Variants in VWDE observed in about 807,000 individuals in gnomAD.
VWDE encodes von Willebrand factor D and EGF domain-containing protein.
Under a neutral mutation model 178.4 loss-of-function variants are expected in VWDE, and 207 were observed. The observed-to-expected ratio is 1.16, with a 90% CI of 1.04 to 1.30. The LOEUF is 1.30. Ranked by LOEUF, VWDE falls within the 50% of genes most tolerant of loss-of-function variation. VWDE has a pLI of 0.00. For synonymous variants in VWDE, 738 were observed against 651.4 expected (o/e 1.13, Z -2.02); for missense variants, 2,287 against 1,901.3 (o/e 1.20, Z -3.77).
In VWDE at chr7:12,331,218, T is replaced by C. The variant is rs191964548; in HGVS notation, c.4759-21A>G. On this transcript the variant is annotated intron_variant, in intron 28 of 28. Coordinates refer to ENST00000275358, the MANE Select transcript of VWDE (RefSeq NM_001135924.3). ...CTTATCTGTAGTAGGAAGAAGGAAA[T>C]TGTGTTTCAATGAATAGTATAAAAT... 4.0e-5 allele frequency: 61 copies of C among 1,539,468 alleles called. No homozygotes were observed. In the African/African-American group the frequency reaches 8.0e-4, roughly 20 times the overall value.
At chr7:12,385,588 A>G (rs1784058393) in intron 3 of VWDE, among the ~76,000 whole-genome samples, 1 of 152,294 alleles carries the variant, frequency 6.6e-6, no homozygotes, top group African/African-American at 2.4e-5. Context: ...TCAGCCTGAC[A>G]TTGTAAAGTG....
At position 12,337,263 on chromosome 7, in the gene VWDE, T is replaced by C; in HGVS notation, c.4376A>G (p.His1459Arg). Reference protein sequence around the residue: ...FGEHCQNAFCHPPCKNGGHCM... With the variant: ...FGEHCQNAFCRPPCKNGGHCM... ...GTGGCCACCATTCTTACAGGGAGGGTGACAGAAAGCTAAAAGAACACATGG... is the reference window on the plus strand; with the variant it reads ...GTGGCCACCATTCTTACAGGGAGGGCGACAGAAAGCTAAAAGAACACATGG... The change falls in exon 25 of 29, where the codon CAC (histidine) becomes CGC (arginine). Residue 1459 changes from histidine to arginine, a missense_variant. His to Arg is a conservative substitution (Grantham distance 29). Coordinates refer to ENST00000275358, the MANE Select transcript of VWDE (RefSeq NM_001135924.3). The C allele has an allele frequency of 6.4e-7, 1 of 1,551,748 alleles. No homozygotes were observed. Among genetic ancestry groups the C allele is most frequent in the South Asian group, 1.2e-5 (1 of 84,064 alleles).
chr7:12,360,327 C>A (rs996324180), intron 15 of VWDE, among the ~76,000 whole-genome samples: 1 of 151,906 alleles, frequency 6.6e-6, no homozygotes, highest in Non-Finnish European at 1.5e-5. Context: ...TGGAAAATTG[C>A]ACAAAAGTTA....
At position 12,361,484 on chromosome 7, in the gene VWDE, T is replaced by C. The variant is rs1208543582; in HGVS notation, c.2936A>G (p.Tyr979Cys). The C allele has an allele frequency of 2.6e-6, 4 of 1,550,712 alleles. No individual in the cohort carries two copies. Among genetic ancestry groups the C allele is most frequent in the East Asian group, 2.4e-5 (1 of 40,872 alleles). Residue 979 changes from tyrosine (Y) to cysteine (C), a missense_variant, in exon 14 of 29, where the codon TAT becomes TGT. Coordinates refer to ENST00000275358, the MANE Select transcript of VWDE (RefSeq NM_001135924.3). ...GCTATTGTGGAAAACAGTCTGTGTA[T>C]AGATGGGTTCTCCAGGCATCCATTC... ...SSEWMPGEPI[Y>C]TQTVFHNSRA... is the part of the protein sequence containing the mutation.
intron 7 of VWDE, among the ~76,000 whole-genome samples, chr7:12,377,019 G>A (rs577894130): frequency 2.0e-5 from 3 of 151,898 alleles, no homozygotes; most frequent in Admixed American, 6.6e-5. Context: ...AATGTTCTAC[G>A]GTGAAAATGT....
intron 13 of VWDE, among the ~76,000 whole-genome samples, chr7:12,363,966 T>C (rs955449676): frequency 1.3e-5 from 2 of 152,078 alleles, no homozygotes; most frequent in Non-Finnish European, 2.9e-5. Context: ...TGACCTTGTT[T>C]CATGAATTTG....
At chr7:12,343,592 A>T (rs1168619711) in intron 21 of VWDE, among the ~76,000 whole-genome samples, 1 of 152,178 alleles carries the variant, frequency 6.6e-6, no homozygotes, top group Non-Finnish European at 1.5e-5. Flanking sequence ...CCATAAAAAC[A>T]TTTAACATGG....
chr7:12,352,708 G>A (rs1782009275), intron 18 of VWDE, among the ~76,000 whole-genome samples: 1 of 152,142 alleles, frequency 6.6e-6, no homozygotes, highest in African/African-American at 2.4e-5. Context: ...ATATCTGTGG[G>A]GCTGGGCAGG....
At chr7:12,362,240 CA>C (rs1782626004) in intron 13 of VWDE, among the ~76,000 whole-genome samples, 2 of 151,900 alleles carry the variant, frequency 1.3e-5, no homozygotes, top group South Asian at 2.1e-4. Context: ...CACACACACA[CA>C]CACATAAAAA....
intron 26 of VWDE, among the ~76,000 whole-genome samples, chr7:12,336,668 G>T (rs774416349): frequency 2.9e-4 from 44 of 151,908 alleles, no homozygotes; most frequent in Non-Finnish European, 4.7e-4. Context: ...GATGGTTTGA[G>T]GTGGGGCCAA....
intron 4 of VWDE, among the ~76,000 whole-genome samples, chr7:12,382,406 C>T (rs1180219752): frequency 1.3e-5 from 2 of 151,438 alleles, no homozygotes; most frequent in Non-Finnish European, 3.0e-5. Flanking sequence ...CTTAATTAAA[C>T]TGACCTCCAC....
At chr7:12,398,830 C>A (rs1447734660) in intron 1 of VWDE, among the ~76,000 whole-genome samples, 1 of 152,044 alleles carries the variant, frequency 6.6e-6, no homozygotes, top group African/African-American at 2.4e-5. Context: ...CTTATAAGGG[C>A]AAGCTAAACA....
chr7:12,365,135 C>T (rs899904115), intron 13 of VWDE, among the ~76,000 whole-genome samples: 2 of 151,992 alleles, frequency 1.3e-5, no homozygotes, highest in Non-Finnish European at 2.9e-5. Context: ...TGTCACAATA[C>T]GAAAGAGACT....
intron 27 of VWDE, among the ~76,000 whole-genome samples, 159 bp downstream of exon 27, chr7:12,335,981 AT>A (rs1164727679): frequency 6.6e-6 from 1 of 152,168 alleles, no homozygotes; most frequent in Non-Finnish European, 1.5e-5. Flanking sequence ...TGGATATAAA[AT>A]TTAGGAAGTT....
rs1157072942 is a variant in VWDE at position 12,359,607 on chromosome 7, A to G, written c.3245T>C (p.Ile1082Thr). 2 of 1,550,134 alleles carry G rather than the reference A, an allele frequency of 1.3e-6. No individual in the cohort carries two copies. Among genetic ancestry groups the G allele is most frequent in the Non-Finnish European group, 1.7e-6 (2 of 1,146,112 alleles). Residue 1082 changes from isoleucine (I) to threonine (T), a missense_variant, in exon 16 of 29, where the codon ATT becomes ACT. Physicochemically the swap from Ile to Thr is moderately conservative, Grantham distance 89 (BLOSUM62 -1). Coordinates refer to ENST00000275358, the MANE Select transcript of VWDE (RefSeq NM_001135924.3). ...TSPCLICRPK[I>T]SRFTWSFLEN... Reference sequence around the variant, plus strand: ...TAAAAATGACCAAGTAAATCTTGAAATTTTGGGTCTACAAATCAAACAAGG... The same window carrying G: ...TAAAAATGACCAAGTAAATCTTGAAGTTTTGGGTCTACAAATCAAACAAGG...
At position 12,351,595 on chromosome 7, in the gene VWDE, C is replaced by A; in HGVS notation, c.3864G>T (p.Lys1288Asn). ...TACTGAAGGCATTTCCACTTGTTGG[C>A]TTAACATGCCTCTTTCTCCCTTGGG... ...KNAQGRKRHVKPTSGNAFTIC... is the reference protein window; with the variant it reads ...KNAQGRKRHVNPTSGNAFTIC... Residue 1288 changes from lysine to asparagine, a missense_variant, in exon 19 of 29, where the codon AAG becomes AAT. Coordinates refer to ENST00000275358, the MANE Select transcript of VWDE (RefSeq NM_001135924.3). The A allele has an allele frequency of 6.5e-7, 1 of 1,549,402 alleles. No individual in the cohort carries two copies. The highest frequency in any genetic ancestry group is 1.4e-5 in the African/African-American group (1 of 73,006).
intron 10 of VWDE, among the ~76,000 whole-genome samples, chr7:12,371,873 C>G (rs1041133048): frequency 6.6e-6 from 1 of 152,000 alleles, no homozygotes; most frequent in Non-Finnish European, 1.5e-5. Flanking sequence ...ATGACTTTTT[C>G]ATCTTACAAG....
chr7:12,363,538 A>G (rs1279647877), intron 13 of VWDE, among the ~76,000 whole-genome samples: 3 of 152,034 alleles, frequency 2.0e-5, no homozygotes, highest in Non-Finnish European at 4.4e-5. Flanking sequence ...GCTTAAAACT[A>G]CTAATACAAA....
chr7:12,351,284 G>A (rs1781921620), intron 19 of VWDE, among the ~76,000 whole-genome samples: 1 of 152,060 alleles, frequency 6.6e-6, no homozygotes, highest in African/African-American at 2.4e-5. Flanking sequence ...CCAGTTTCCA[G>A]GGATTTATAA....
Sources: gnomAD v4.1 joint callset for allele counts (sites outside exome capture counted in the v4.1 genomes callset) on GRCh38, gnomAD v4.1.1 for gene constraint, MANE v1.5 for transcripts, NCBI Gene and HGNC (gene_info 2026-07-23, HGNC 2026-07-21) for gene names.